The following SPATA13 variants were observed in gnomAD, a reference collection of about 807,000 sequenced individuals.
SPATA13 encodes the protein spermatogenesis-associated protein 13.
A neutral mutation model predicts 104.0 loss-of-function variants in SPATA13; 50 were observed. That is an observed-to-expected ratio of 0.48 (90% CI 0.38 to 0.61). The LOEUF (loss-of-function observed/expected upper bound fraction) is 0.61. SPATA13 is among the 20% of genes least tolerant of loss of function. The pLI is 0.00. For missense variants in SPATA13, 1,524 were observed against 1,690.6 expected, an observed-to-expected ratio of 0.90 and a Z score of 1.73; for synonymous variants, 606 against 667.5, an observed-to-expected ratio of 0.91 and a Z score of 1.42.
intron 1 of SPATA13, among the ~76,000 whole-genome samples, chr13:24,185,294 A>G (rs993517198): frequency 9.2e-5 from 14 of 152,312 alleles, no homozygotes; most frequent in African/African-American, 3.4e-4. Flanking sequence ...CTTGCTTTAT[A>G]AAGAAATTTT....
intron 3 of SPATA13, among the ~76,000 whole-genome samples, chr13:24,028,325 A>T (rs1039666551): frequency 6.6e-6 from 1 of 152,176 alleles, no homozygotes; most frequent in Admixed American, 6.5e-5. Flanking sequence ...ACTGCTCCCA[A>T]CTTATCTGAA....
chr13:24,162,255 T>C (rs1391875527), intron 1 of SPATA13, among the ~76,000 whole-genome samples: 1 of 152,230 alleles, frequency 6.6e-6, no homozygotes, highest in African/African-American at 2.4e-5. Context: ...GTTTCTTCCT[T>C]GTTTCCCCAT....
intron 4 of SPATA13, chr13:24,278,618 C>T: frequency 6.9e-7 from 1 of 1,458,734 alleles, no homozygotes; most frequent in African/African-American, 1.5e-5. Flanking sequence ...TTACAGGGTG[C>T]TTTCATGTAT....
At chr13:24,210,810 C>T (rs1371002251) in intron 1 of SPATA13, among the ~76,000 whole-genome samples, 1 of 144,562 alleles carries the variant, frequency 6.9e-6, no homozygotes, top group African/African-American at 2.6e-5. Flanking sequence ...ATAGCCATGG[C>T]ATTGAATCTG....
chr13:23,980,951 GGGA>G, intron 1 of SPATA13, among the ~76,000 whole-genome samples: 1 of 152,076 alleles, frequency 6.6e-6, no homozygotes, highest in Non-Finnish European at 1.5e-5. Context: ...ATCTACTGAT[GGGA>G]GTTCCTTAAT....
chr13:24,290,366 C>T (rs1876255007), intron 8 of SPATA13, among the ~76,000 whole-genome samples: 2 of 152,122 alleles, frequency 1.3e-5, no homozygotes, highest in Admixed American at 6.5e-5. Flanking sequence ...CCAGGATGAG[C>T]GTGAGGCAGG....
At chr13:24,004,709 T>C (rs1593270458) in intron 2 of SPATA13, among the ~76,000 whole-genome samples, 1 of 152,156 alleles carries the variant, frequency 6.6e-6, no homozygotes, top group South Asian at 2.1e-4. Flanking sequence ...AAAATTTACA[T>C]TCCATACGAT....
intron 3 of SPATA13, chr13:24,123,419 A>C (rs1256769188): frequency 1.5e-6 from 2 of 1,356,266 alleles, no homozygotes; most frequent in Non-Finnish European, 1.1e-6. Flanking sequence ...GGGGGAGTAC[A>C]TGATTCTGCA....
chr13:24,259,736 C>G (rs1438514730), intron 4 of SPATA13, among the ~76,000 whole-genome samples: 1 of 152,174 alleles, frequency 6.6e-6, no homozygotes, highest in Non-Finnish European at 1.5e-5. Flanking sequence ...AGGGCTTAAT[C>G]AACCAGTATT....
At chr13:24,271,040 C>CGA in intron 4 of SPATA13, 1 of 695,558 alleles carries the variant, frequency 1.4e-6, no homozygotes. Flanking sequence ...CTCTCTCTCT[C>CGA]ACTCTCTCTC....
At chr13:24,284,306 G>GA (rs1465354856) in intron 5 of SPATA13, 35 bp downstream of exon 5, 1 of 1,588,808 alleles carries the variant, frequency 6.3e-7, no homozygotes, top group Non-Finnish European at 8.6e-7. Context: ...GTGGATACGG[G>GA]ATACCTGATT....
In SPATA13 at chr13:24,205,852, TA is replaced by T. The variant is rs1870673281; in HGVS notation, c.-111-16964del. ...AATGGAGAAAGGATACCCTATTTAA[TA>T]AATGGTGCTCGGAGAACAAGCTAGC... On this transcript the variant is annotated intron_variant, in intron 1 of 12. Coordinates refer to ENST00000382108, the MANE Select transcript of SPATA13 (RefSeq NM_001166271.3). This position sits in a 1 kb window ranked among gnomAD's most constrained non-coding sequence, Gnocchi z 4.1. 6.6e-6 allele frequency among the ~76,000 whole-genome samples: 1 copy of T among 152,142 alleles called. No individual in the cohort carries two copies. Among genetic ancestry groups the T allele is most frequent in the African/African-American group, 2.4e-5 (1 of 41,428 alleles).
chr13:24,272,337 A>G (rs1052483480), intron 4 of SPATA13, among the ~76,000 whole-genome samples: 1 of 152,008 alleles, frequency 6.6e-6, no homozygotes, highest in Non-Finnish European at 1.5e-5. Context: ...TGCGGCCTTG[A>G]CCCTCTACAG....
At chr13:24,053,341 C>T (rs1878428471) in intron 3 of SPATA13, among the ~76,000 whole-genome samples, 1 of 152,138 alleles carries the variant, frequency 6.6e-6, no homozygotes, top group South Asian at 2.1e-4. Context: ...CTAGTGAACT[C>T]TAGGCCGCTA....
intron 3 of SPATA13, among the ~76,000 whole-genome samples, chr13:24,098,902 G>C (rs556857203): frequency 5.8e-4 from 87 of 149,618 alleles, no homozygotes; most frequent in Non-Finnish European, 4.4e-5. Flanking sequence ...ACTCCAGCCT[G>C]GCAACAGAGC....
intron 3 of SPATA13, among the ~76,000 whole-genome samples, chr13:24,043,966 G>C (rs1366054449): frequency 1.3e-5 from 2 of 152,172 alleles, no homozygotes; most frequent in Admixed American, 6.5e-5. Context: ...TGATGGTGCT[G>C]CTTGGAGGTA....
intron 1 of SPATA13, among the ~76,000 whole-genome samples, chr13:24,188,808 T>G (rs80099434): frequency 0.046 from 7,051 of 152,248 alleles, 514 homozygotes; most frequent in African/African-American, 0.16. Context: ...GTTTCAGAGC[T>G]TCAAAGGACA....
At position 24,223,990 on chromosome 13, in the gene SPATA13, A is replaced by T; in HGVS notation, c.1061A>T (p.His354Leu). 1.3e-6 allele frequency: 2 copies of T among 1,548,860 alleles called. No homozygotes were observed. Among genetic ancestry groups the T allele is most frequent in the Non-Finnish European group, 1.7e-6 (2 of 1,145,274 alleles). The change falls in exon 2 of 13, where the codon CAC becomes CTC. Residue 354 changes from histidine to leucine, a missense_variant. His to Leu is a moderately conservative substitution (Grantham distance 99). This residue lies in a region of SPATA13 where 1,089 missense variants were observed against 1,135.9 expected (regional missense o/e 0.96). Transcript: ENST00000382108. The stretch of plus-strand genomic sequence containing the variant: ...GAGGCCAGCCTGAGACTTCAGGCAC[A>T]CAGCCGGCTGCATGACGACTACTCC... ...PGEASLRLQA[H>L]SRLHDDYSRR... is the part of the protein sequence containing the mutation.
intron 3 of SPATA13, among the ~76,000 whole-genome samples, chr13:24,150,546 G>T (rs957311218): frequency 9.9e-5 from 15 of 152,236 alleles, no homozygotes; most frequent in African/African-American, 3.6e-4. Flanking sequence ...GATAAATATT[G>T]ATTGATTTTT....
Sources: gnomAD v4.1 joint callset for allele counts (sites outside exome capture counted in the v4.1 genomes callset) on GRCh38, gnomAD v4.1.1 for gene constraint, gnomAD v4.1.1 regional missense constraint, Gnocchi (gnomAD v3.1) non-coding constraint, MANE v1.5 for transcripts, NCBI Gene and HGNC (gene_info 2026-07-23, HGNC 2026-07-21) for gene names.